Variants in RNF34 observed in about 807,000 individuals in gnomAD.
The protein encoded by RNF34 is ring finger protein 34.
In RNF34, 12 loss-of-function variants were observed where a neutral mutation model predicts 37.9. The observed-to-expected ratio is 0.32, with a 90% CI of 0.20 to 0.51. The LOEUF (loss-of-function observed/expected upper bound fraction) is 0.51. Among genes scored for constraint, RNF34 ranks in the 20% least tolerant of loss-of-function variants. The pLI, the probability that RNF34 is intolerant of heterozygous loss-of-function variation, is 0.97. For missense variants in RNF34, 362 were observed against 472.7 expected, an observed-to-expected ratio of 0.77 and a Z score of 2.17; for synonymous variants, 155 against 177.2, an observed-to-expected ratio of 0.87 and a Z score of 1.00.
At chr12:121,414,441 G>A (rs1871373439) in intron 1 of RNF34, among the ~76,000 whole-genome samples, 1 of 151,920 alleles carries the variant, frequency 6.6e-6, no homozygotes, top group Middle Eastern at 3.2e-3. Context: ...TTCTGAGACT[G>A]CAGTAAAAAG....
chr12:121,420,107 C>A, intron 3 of RNF34, 135 bp from the exon 4 acceptor site: 1 of 761,176 alleles, frequency 1.3e-6, no homozygotes, highest in Non-Finnish European at 2.1e-6. Flanking sequence ...TTGGAAGGGT[C>A]AGCAGCATTC....
intron 1 of RNF34, among the ~76,000 whole-genome samples, chr12:121,410,224 G>A (rs895395117): frequency 4.6e-5 from 7 of 151,646 alleles, no homozygotes; most frequent in African/African-American, 1.7e-4. Flanking sequence ...TTAAAGGGGA[G>A]ATGGAAATTA....
At chr12:121,400,968 A>T (rs1349391643) in intron 1 of RNF34, among the ~76,000 whole-genome samples, 1 of 152,276 alleles carries the variant, frequency 6.6e-6, no homozygotes, top group East Asian at 1.9e-4. Context: ...TGTGAACAGC[A>T]GTCAGTTCAG....
rs1593673728 is a variant in RNF34 at position 121,418,829 on chromosome 12, C to T, written c.633+918C>T. 5 of 152,306 alleles carry T rather than the reference C, an allele frequency of 3.3e-5. No homozygotes were observed. The Middle Eastern group carries it at 0.017, about 515-fold the overall frequency. 9.4% of individuals were successfully genotyped at this position (152,306 alleles called of 1,614,324 possible). On this transcript the variant is annotated intron_variant, in intron 3 of 5. Coordinates refer to ENST00000361234, the MANE Select transcript of RNF34 (RefSeq NM_025126.4). ...TCTGCCCCGCTGGGTTCAAGCAATT[C>T]TCCTGCCTCAGCCTTCCGAGTAGCT...
In RNF34 at chr12:121,417,898, G is replaced by A; in HGVS notation, c.620G>A (p.Gly207Glu). The change falls in exon 3 of 6, where the codon GGA (glycine) becomes GAA (glutamate). Residue 207 changes from glycine to glutamate, a missense_variant. By Grantham distance (98) the Gly-to-Glu change is moderately conservative. Coordinates refer to ENST00000361234, the MANE Select transcript of RNF34 (RefSeq NM_025126.4). This position sits in a 1 kb window ranked among gnomAD's most constrained non-coding sequence, Gnocchi z 5.0. ...GATGGAGACCAAACATCCAGATCTGGAGTGCCGGCACAGGTACGAGGGGGT... is the reference window on the plus strand; with the variant it reads ...GATGGAGACCAAACATCCAGATCTGAAGTGCCGGCACAGGTACGAGGGGGT... ...LMDGDQTSRS[G>E]VPAQVQSEIT... The A allele has an allele frequency of 6.2e-7, 1 of 1,613,848 alleles. No individual in the cohort carries two copies. Among genetic ancestry groups the A allele is most frequent in the South Asian group, 1.1e-5 (1 of 91,062 alleles).
In RNF34 at chr12:121,404,575, G is replaced by C. The variant is rs947914480; in HGVS notation, c.6+4357G>C. ...CTAATTTTTTTTGGTATTTTTAGTA[G>C]AGACCGGGTTTCACCATCTTGGCTA... On this transcript the variant is annotated intron_variant, in intron 1 of 5. Transcript: ENST00000361234. 2.0e-5 allele frequency among the ~76,000 whole-genome samples: 3 copies of C among 151,572 alleles called. No homozygotes were observed. The East Asian group carries it at 5.8e-4, about 29-fold the overall frequency.
intron 2 of RNF34, among the ~76,000 whole-genome samples, chr12:121,416,792 A>C (rs533153209): frequency 6.6e-6 from 1 of 152,246 alleles, no homozygotes; most frequent in African/African-American, 2.4e-5. Flanking sequence ...TTAGAGATTC[A>C]ACATCAAATA....
chr12:121,400,706 G>A (rs1869900872), intron 1 of RNF34, among the ~76,000 whole-genome samples: 1 of 152,186 alleles, frequency 6.6e-6, no homozygotes, highest in African/African-American at 2.4e-5. Context: ...CTCTCAGGGT[G>A]GGGATGCCAC....
At position 121,417,714 on chromosome 12, in the gene RNF34, C is replaced by T; in HGVS notation, c.436C>T (p.Leu146=). 1 of 1,614,176 alleles carries T rather than the reference C, an allele frequency of 6.2e-7. No homozygotes were observed. The change falls in exon 3 of 6, where the codon CTA becomes TTA. Residue 146 remains leucine (L), a synonymous_variant. Transcript: ENST00000361234. The surrounding 1 kb of genome is among the most constrained non-coding windows in gnomAD (Gnocchi z 5.0). The stretch of plus-strand genomic sequence containing the variant: ...TCGTGAGAAAGAAGACTTGGTGGAT[C>T]TAGTACTGTGCCATCATGGACTAGG... The part of the protein sequence containing the change: ...TCREKEDLVD[L]VLCHHGLGSE...
At position 121,420,302 on chromosome 12, in the gene RNF34, G is replaced by A. The variant is rs964455463; in HGVS notation, c.694G>A (p.Asp232Asn). ...TGATGATGACGACGATGATGAGGATGATGATGATGAAGAAGAAAACGCAGA... is the reference window on the plus strand; with the variant it reads ...TGATGATGACGACGATGATGAGGATAATGATGATGAAGAAGAAAACGCAGA... ...EDDDDDDDED[D>N]DDEEENAEDR... The change falls in exon 4 of 6, where the codon GAT (aspartate) becomes AAT (asparagine). Residue 232 changes from aspartate to asparagine, a missense_variant. By Grantham distance (23) the Asp-to-Asn change is conservative. Coordinates refer to ENST00000361234, the MANE Select transcript of RNF34 (RefSeq NM_025126.4). 2 of 1,584,618 alleles carry A rather than the reference G, an allele frequency of 1.3e-6. No homozygotes were observed. Among genetic ancestry groups the A allele is most frequent in the Non-Finnish European group, 1.7e-6 (2 of 1,163,750 alleles).
In RNF34 at chr12:121,423,885, A is replaced by AAGTG; in HGVS notation, c.*309_*310insAGTG. On this transcript the variant is annotated 3_prime_UTR_variant, in exon 6 of 6. Coordinates refer to ENST00000361234, the MANE Select transcript of RNF34 (RefSeq NM_025126.4). The surrounding 1 kb of genome is among the most constrained non-coding windows in gnomAD (Gnocchi z 4.3). Reference sequence around the variant, plus strand: ...CCACTGCTGTCTTGGGAGGACACTTATCCTGTTCTCTTATTTCCCCTTCAT... The same window carrying AAGTG: ...CCACTGCTGTCTTGGGAGGACACTTAAGTGTCCTGTTCTCTTATTTCCCCTTCAT... The AAGTG allele has an allele frequency of 6.9e-6, 2 of 289,890 alleles. No individual in the cohort carries two copies. Among genetic ancestry groups the AAGTG allele is most frequent in the Non-Finnish European group, 1.3e-5 (2 of 153,512 alleles). The allele number at this position is 289,890 out of a possible 1,614,324, so 18.0% of individuals were successfully genotyped here.
Position 121,421,371 on chromosome 12 carries a change from T to TACAA in RNF34, c.928+594_928+595insCAAA, listed in dbSNP as rs35925457. 3.4e-3 allele frequency among the ~76,000 whole-genome samples: 158 copies of TACAA among 46,360 alleles called. 13 individuals are homozygous for TACAA. The highest frequency in any genetic ancestry group is 9.0e-3 in the African/African-American group (132 of 14,718). The allele number at this position is 46,360 out of a possible 152,430, so 30.4% of individuals were successfully genotyped here. ...GGGCAACATAGAGAGATCCCATCTC[T>TACAA]AAAAAAAAAAAAAAAAAAAAAAAAA... On this transcript the variant is annotated intron_variant, in intron 5 of 5. Transcript: ENST00000361234.
rs1555282436 is a variant in RNF34, at chr12:121,417,730, A to G, written c.452A>G (p.His151Arg). The G allele has an allele frequency of 6.2e-7, 1 of 1,614,220 alleles. No homozygotes were observed. Among genetic ancestry groups the G allele is most frequent in the Non-Finnish European group, 8.5e-7 (1 of 1,180,034 alleles). The part of the protein sequence containing the change: ...EDLVDLVLCH[H>R]GLGSEDDMDT... ...TTGGTGGATCTAGTACTGTGCCATC[A>G]TGGACTAGGCTCTGAGGACGACATG... is the stretch of plus-strand genomic sequence containing the variant. The change falls in exon 3 of 6, where the codon CAT (histidine) becomes CGT (arginine). Residue 151 changes from histidine (H) to arginine (R), a missense_variant. Coordinates refer to ENST00000361234, the MANE Select transcript of RNF34 (RefSeq NM_025126.4). This position sits in a 1 kb window ranked among gnomAD's most constrained non-coding sequence, Gnocchi z 5.0.
intron 1 of RNF34, chr12:121,404,798 A>G (rs1555280471): frequency 6.6e-6 from 1 of 152,186 alleles, no homozygotes; most frequent in Admixed American, 6.6e-5. Flanking sequence ...AATTTGTGGT[A>G]AATTTGTGAA....
In RNF34 at chr12:121,423,259, C is replaced by T; in HGVS notation, c.929-127C>T. The T allele has an allele frequency of 1.6e-6, 1 of 632,306 alleles. No individual in the cohort carries two copies. Among genetic ancestry groups the T allele is most frequent in the Non-Finnish European group, 2.7e-6 (1 of 368,628 alleles). The allele number at this position is 632,306 out of a possible 1,614,324, so 39.2% of individuals were successfully genotyped here. A position where few individuals can be genotyped will look rare whatever the true frequency, so the allele number is the denominator to read the frequency against. On this transcript the variant is annotated intron_variant, in intron 5 of 5. Coordinates refer to ENST00000361234, the MANE Select transcript of RNF34 (RefSeq NM_025126.4). The surrounding 1 kb of genome is among the most constrained non-coding windows in gnomAD (Gnocchi z 4.3). ...AGAGAAGTTGGGATTATTTCTTGTACAACACTGGGGTGGCATTGGGCCTGC... is the reference window on the plus strand; with the variant it reads ...AGAGAAGTTGGGATTATTTCTTGTATAACACTGGGGTGGCATTGGGCCTGC...
Position 121,405,984 on chromosome 12 carries a change from G to A in RNF34, c.6+5766G>A, listed in dbSNP as rs1490521230. 1.2e-4 allele frequency among the ~76,000 whole-genome samples: 18 copies of A among 151,482 alleles called. No homozygotes were observed. The South Asian group carries it at 1.7e-3, about 14-fold the overall frequency. ...AATTTTTTGTATTTTTAGTAGAGACGGGGTTTCACCATGTTAGCCAGGATG... is the reference window on the plus strand; with the variant it reads ...AATTTTTTGTATTTTTAGTAGAGACAGGGTTTCACCATGTTAGCCAGGATG... On this transcript the variant is annotated intron_variant, in intron 1 of 5. Coordinates refer to ENST00000361234, the MANE Select transcript of RNF34 (RefSeq NM_025126.4).
chr12:121,423,414 G>A lies in RNF34; in HGVS notation c.957G>A (p.Glu319=), dbSNP rs1555283771. Residue 319 remains glutamate, a synonymous_variant, in exon 6 of 6, where the codon GAG becomes GAA. Coordinates refer to ENST00000361234, the MANE Select transcript of RNF34 (RefSeq NM_025126.4). This position sits in a 1 kb window ranked among gnomAD's most constrained non-coding sequence, Gnocchi z 4.3. ...GCGAGCGGCTGCAGCTGCAGGATGA[G>A]GAAGACGACAGCCTGTGTCGCATCT... ...SYGERLQLQD[E]EDDSLCRICM... The A allele has an allele frequency of 6.2e-7, 1 of 1,610,864 alleles. No individual in the cohort carries two copies. The highest frequency in any genetic ancestry group is 1.1e-5 in the South Asian group (1 of 90,690).
chr12:121,420,816 T>C lies in RNF34; in HGVS notation c.928+38T>C, dbSNP rs782744096. 2.7e-6 allele frequency: 4 copies of C among 1,509,276 alleles called. No individual in the cohort carries two copies. In the Admixed American group the frequency reaches 7.0e-5, roughly 26 times the overall value. 93.5% of individuals were successfully genotyped at this position (1,509,276 alleles called of 1,614,324 possible). On this transcript the variant is annotated intron_variant, in intron 5 of 5. Coordinates refer to ENST00000361234, the MANE Select transcript of RNF34 (RefSeq NM_025126.4). The stretch of plus-strand genomic sequence containing the variant: ...TTTCATTTTTTCCCTGTAGTATTTT[T>C]CCTTAGGCTTTTAAAAACTGGGTTG...
In RNF34 at chr12:121,420,683, G is replaced by C; in HGVS notation, c.833G>C (p.Arg278Pro). 1.2e-6 allele frequency: 2 copies of C among 1,614,034 alleles called. No homozygotes were observed. Among genetic ancestry groups the C allele is most frequent in the Non-Finnish European group, 1.7e-6 (2 of 1,179,958 alleles). Reference protein sequence around the residue: ...SVRQLKEILARNFVNYSGCCE... With the variant: ...SVRQLKEILAPNFVNYSGCCE... Reference sequence around the variant, plus strand: ...CGCCAGCTGAAGGAAATTCTGGCTCGGAATTTTGTCAACTATTCTGGCTGT... The same window carrying C: ...CGCCAGCTGAAGGAAATTCTGGCTCCGAATTTTGTCAACTATTCTGGCTGT... The change falls in exon 5 of 6, where the codon CGG becomes CCG. Residue 278 changes from arginine to proline, a missense_variant. Coordinates refer to ENST00000361234, the MANE Select transcript of RNF34 (RefSeq NM_025126.4).
Sources: allele counts gnomAD v4.1 joint callset (sites outside exome capture counted in the v4.1 genomes callset), GRCh38; gene constraint gnomAD v4.1.1; non-coding constraint Gnocchi (gnomAD v3.1); transcripts MANE v1.5; gene names NCBI Gene and HGNC (gene_info 2026-07-23, HGNC 2026-07-21).